UNC13C: variants seen among roughly 807,000 people sequenced by gnomAD.
The protein encoded by UNC13C is protein unc-13 homolog C.
Under a neutral mutation model 245.4 loss-of-function variants are expected in UNC13C, and 174 were observed. That is an observed-to-expected ratio of 0.71 (90% CI 0.63 to 0.80). UNC13C has a LOEUF of 0.80. Among genes scored for constraint, UNC13C ranks in the 30% least tolerant of loss-of-function variants. The pLI is 0.00. For synonymous variants in UNC13C, 992 were observed against 895.1 expected (o/e 1.11, Z -1.93); for missense variants, 2,829 against 2,602.9 (o/e 1.09, Z -1.89).
the UNC13C span, among the ~76,000 whole-genome samples, chr15:53,840,343 T>C: frequency 3.3e-5 from 5 of 152,148 alleles, no homozygotes; most frequent in Non-Finnish European, 7.4e-5. Flanking sequence ...CTCTGTTAAA[T>C]AGAGATTAAT....
intron 2 of UNC13C, among the ~76,000 whole-genome samples, chr15:54,112,886 A>G (rs1373844176): frequency 6.6e-6 from 1 of 152,216 alleles, no homozygotes; most frequent in African/African-American, 2.4e-5. Context: ...CCAAAAGTCC[A>G]CATTAAAATG....
Position 54,422,968 on chromosome 15 carries a change from C to CAT in UNC13C, c.4933+7902_4933+7903insTA, listed in dbSNP as rs2040680921. ...TCTACAGCAATATAGTACACACACA[C>CAT]ACACACACACACACAACGAAAAAAA... On this transcript the variant is annotated intron_variant, in intron 19 of 32. Coordinates refer to ENST00000260323, the MANE Select transcript of UNC13C (RefSeq NM_001080534.3). Among the ~76,000 whole-genome samples, 10 of 142,874 alleles carry CAT rather than the reference C, an allele frequency of 7.0e-5. No homozygotes were observed. The South Asian group carries it at 2.2e-3, about 31-fold the overall frequency. 93.7% of individuals were successfully genotyped at this position (142,874 alleles called of 152,430 possible). A position where few individuals can be genotyped will look rare whatever the true frequency, so the allele number is the denominator to read the frequency against.
At chr15:54,036,766 G>A (rs1296198508) in intron 2 of UNC13C, among the ~76,000 whole-genome samples, 1 of 152,170 alleles carries the variant, frequency 6.6e-6, no homozygotes, top group Non-Finnish European at 1.5e-5. Context: ...GGGGCAGTTT[G>A]CTAAATTGTA....
intron 4 of UNC13C, among the ~76,000 whole-genome samples, chr15:54,157,854 A>G (rs2141261563): frequency 6.6e-6 from 1 of 152,354 alleles, no homozygotes; most frequent in South Asian, 2.1e-4. Flanking sequence ...TGGGGAAAGG[A>G]TTCCCTATTT....
intron 4 of UNC13C, among the ~76,000 whole-genome samples, chr15:54,192,285 G>A (rs2034210972): frequency 6.6e-6 from 1 of 151,882 alleles, no homozygotes; most frequent in African/African-American, 2.4e-5. Context: ...TGTTTTTGTA[G>A]TCTTTGTGAC....
chr15:54,114,779 C>T (rs2030106663), intron 2 of UNC13C, among the ~76,000 whole-genome samples: 1 of 152,076 alleles, frequency 6.6e-6, no homozygotes, highest in Non-Finnish European at 1.5e-5. Flanking sequence ...TCTTCAGAAT[C>T]TTTGTATAAA....
chr15:54,522,355 G>C (rs1013656030), intron 24 of UNC13C, among the ~76,000 whole-genome samples: 1 of 151,482 alleles, frequency 6.6e-6, no homozygotes, highest in Non-Finnish European at 1.5e-5. Flanking sequence ...GCAGGTGCCT[G>C]TAATCCCAGC....
At chr15:53,994,879 G>C (rs1894549322) in intron 1 of UNC13C, among the ~76,000 whole-genome samples, 1 of 152,096 alleles carries the variant, frequency 6.6e-6, no homozygotes, top group Non-Finnish European at 1.5e-5. Context: ...ATGAGGGCCT[G>C]AACTAAGGTG....
intron 1 of UNC13C, among the ~76,000 whole-genome samples, chr15:54,010,478 TAG>T (rs1180164473): frequency 6.6e-6 from 1 of 151,788 alleles, no homozygotes; most frequent in Non-Finnish European, 1.5e-5. Context: ...GACATGTGAA[TAG>T]AGAGGGGAAG....
chr15:54,455,205 C>CTCTCTCTCTCTATATATATATA (rs1388065398), intron 19 of UNC13C, among the ~76,000 whole-genome samples: 2 of 18,964 alleles, frequency 1.1e-4, no homozygotes, highest in Non-Finnish European at 1.8e-4. Flanking sequence ...CTCTCTCTCT[C>CTCTCTCTCTCTATATATATATA]TATATATATA....
chr15:54,256,157 C>T (rs1483736032), intron 8 of UNC13C, among the ~76,000 whole-genome samples: 1 of 152,174 alleles, frequency 6.6e-6, no homozygotes, highest in African/African-American at 2.4e-5. Flanking sequence ...GTTAATAATA[C>T]TTGTCAATGA....
chr15:54,078,948 T>C lies in UNC13C; in HGVS notation c.2983+63062T>C, dbSNP rs139635314. On this transcript the variant is annotated intron_variant, in intron 2 of 32. Transcript: ENST00000260323. The stretch of plus-strand genomic sequence containing the variant: ...CTAGAATTTTTATAGTTTCAGGTCT[T>C]ACATTTAAGTCCTTCACCCATCTTG... Among the ~76,000 whole-genome samples the C allele has an allele frequency of 1.3e-3, 191 of 152,304 alleles. 4 individuals are homozygous for C. The South Asian group carries it at 0.028, about 22-fold the overall frequency.
intron 2 of UNC13C, among the ~76,000 whole-genome samples, chr15:54,088,340 C>T (rs898788494): frequency 1.3e-5 from 2 of 151,334 alleles, no homozygotes; most frequent in Admixed American, 6.6e-5. Flanking sequence ...CAGTTTGAGG[C>T]AAGTCAGTCT....
chr15:54,355,113 C>A (rs920049029), intron 17 of UNC13C, among the ~76,000 whole-genome samples: 2 of 152,122 alleles, frequency 1.3e-5, no homozygotes, highest in African/African-American at 2.4e-5. Flanking sequence ...AAGGCCTTCA[C>A]CAGATGTTGC....
At chr15:53,900,267 C>T in the UNC13C span, among the ~76,000 whole-genome samples, 1 of 151,990 alleles carries the variant, frequency 6.6e-6, no homozygotes, top group South Asian at 2.1e-4. Context: ...AGACTTATTC[C>T]AGGATTGCAG....
At chr15:54,582,301 A>G (rs1898236321) in intron 30 of UNC13C, among the ~76,000 whole-genome samples, 1 of 152,158 alleles carries the variant, frequency 6.6e-6, no homozygotes, top group South Asian at 2.1e-4. Context: ...ACCACTGACG[A>G]AAGTGTGGAA....
chr15:54,579,796 G>T (rs969148087), intron 30 of UNC13C, among the ~76,000 whole-genome samples: 3 of 152,134 alleles, frequency 2.0e-5, no homozygotes, highest in Admixed American at 6.5e-5. Context: ...AGGATTTAAA[G>T]AATCTTATAA....
the UNC13C span, chr15:53,910,674 G>A: frequency 1.4e-5 from 2 of 146,972 alleles, no homozygotes; most frequent in African/African-American, 2.4e-5. Context: ...AGAGCAGGCC[G>A]TGCAGTTGCA....
rs67637704 is a variant in UNC13C, at chr15:54,130,308, T to TTTTTTTTTG, written c.2984-12710_2984-12709insTTTTTTTTG. On this transcript the variant is annotated intron_variant, in intron 2 of 32. Coordinates refer to ENST00000260323, the MANE Select transcript of UNC13C (RefSeq NM_001080534.3). The stretch of plus-strand genomic sequence containing the variant: ...ATTAATTTTTTTTTTTTTTTTTTTT[T>TTTTTTTTTG]GTGAGACGGAGTCTCAGTCTGTCTC... 3.2e-4 allele frequency among the ~76,000 whole-genome samples: 38 copies of TTTTTTTTTG among 119,512 alleles called. 1 individual carries two copies. Among genetic ancestry groups the TTTTTTTTTG allele is most frequent in the Non-Finnish European group, 3.8e-4 (22 of 58,576 alleles). The allele number at this position is 119,512 out of a possible 152,430, so 78.4% of individuals were successfully genotyped here.
Sources: allele counts gnomAD v4.1 joint callset (sites outside exome capture counted in the v4.1 genomes callset), GRCh38; gene constraint gnomAD v4.1.1; transcripts MANE v1.5; gene names NCBI Gene and HGNC (gene_info 2026-07-23, HGNC 2026-07-21).